Variants in UGT1A7 observed in about 807,000 individuals in gnomAD.
UGT1A7 encodes UDP-glucuronosyltransferase 1A7.
Under a neutral mutation model 45.6 loss-of-function variants are expected in UGT1A7, and 33 were observed. That is an observed-to-expected ratio of 0.72 (90% CI 0.55 to 0.97). The LOEUF (loss-of-function observed/expected upper bound fraction) is 0.97, where lower values mean the gene tolerates loss of function less well. UGT1A7 is among the 50% of genes least tolerant of loss of function. The pLI, the probability that UGT1A7 is intolerant of heterozygous loss-of-function variation, is 0.00. For synonymous variants in UGT1A7, 274 were observed against 250.6 expected, an observed-to-expected ratio of 1.09 and a Z score of -0.88; for missense variants, 684 against 666.2, an observed-to-expected ratio of 1.03 and a Z score of -0.29.
chr2:233,688,438 C>T (rs1367790145), intron 1 of UGT1A7, among the ~76,000 whole-genome samples: 1 of 152,212 alleles, frequency 6.6e-6, no homozygotes, highest in African/African-American at 2.4e-5. Flanking sequence ...TACCTGACTG[C>T]CTCCCTGTGT....
intron 1 of UGT1A7, among the ~76,000 whole-genome samples, chr2:233,720,962 C>T (rs370196629): frequency 1.3e-4 from 20 of 151,468 alleles, no homozygotes; most frequent in African/African-American, 2.7e-4. Flanking sequence ...CTGCCCGCCT[C>T]GGCCTCCCAA....
intron 1 of UGT1A7, chr2:233,718,894 G>A: frequency 6.2e-7 from 1 of 1,614,034 alleles, no homozygotes; most frequent in Non-Finnish European, 8.5e-7. Context: ...GTCCAGCCCT[G>A]GGCTGAGAGT....
rs377063392 is a variant in UGT1A7, at chr2:233,724,823, G to A, written c.855+42031G>A. Among the ~76,000 whole-genome samples, 2 of 135,304 alleles carry A rather than the reference G, an allele frequency of 1.5e-5. 1 individual carries two copies. Among genetic ancestry groups the A allele is most frequent in the Non-Finnish European group, 3.1e-5 (2 of 64,184 alleles). 88.8% of individuals were successfully genotyped at this position (135,304 alleles called of 152,430 possible). A position where few individuals can be genotyped will look rare whatever the true frequency, so the allele number is the denominator to read the frequency against. On this transcript the variant is annotated intron_variant, in intron 1 of 4. Transcript: ENST00000373426. ...GCGGCCGGGCAGAGGCTGCAATCTC[G>A]GCACTTTGGGAGGCCAAGGCAGGCG...
At chr2:233,735,868 CAG>C (rs201129034) in intron 1 of UGT1A7, among the ~76,000 whole-genome samples, 5,840 of 152,248 alleles carry the variant, frequency 0.038, 150 homozygotes, top group Non-Finnish European at 0.054. Flanking sequence ...AGGGTTTCTG[CAG>C]AGAGATCTGC....
intron 1 of UGT1A7, among the ~76,000 whole-genome samples, chr2:233,695,121 T>TTTTCTTTTC (rs1181246228): frequency 3.7e-4 from 38 of 104,018 alleles, no homozygotes; most frequent in African/African-American, 1.3e-3. Flanking sequence ...TAACCAACCC[T>TTTTCTTTTC]TTTCTTTTCT....
In UGT1A7 at chr2:233,772,667, T is replaced by A; in HGVS notation, c.*108T>A. 1 of 1,538,078 alleles carries A rather than the reference T, an allele frequency of 6.5e-7. No individual in the cohort carries two copies. Among genetic ancestry groups the A allele is most frequent in the East Asian group, 2.4e-5 (1 of 40,984 alleles). Reference sequence around the variant, plus strand: ...TTTTATTCTTATTAAGGAAATACTTTGCATAAATTAATCAGCCCCAGAGTG... The same window carrying A: ...TTTTATTCTTATTAAGGAAATACTTAGCATAAATTAATCAGCCCCAGAGTG... On this transcript the variant is annotated 3_prime_UTR_variant, in exon 5 of 5. Coordinates refer to ENST00000373426, the MANE Select transcript of UGT1A7 (RefSeq NM_019077.3).
At chr2:233,763,150 C>G (rs1298092077) in intron 1 of UGT1A7, among the ~76,000 whole-genome samples, 1 of 152,214 alleles carries the variant, frequency 6.6e-6, no homozygotes, top group Non-Finnish European at 1.5e-5. Context: ...CCATAAAAGT[C>G]TAAGTGGTGA....
In UGT1A7 at chr2:233,772,878, G is replaced by T; in HGVS notation, c.*319G>T. 3.5e-6 allele frequency: 2 copies of T among 577,672 alleles called. No individual in the cohort carries two copies. The highest frequency in any genetic ancestry group is 5.2e-5 in the East Asian group (1 of 19,352). The allele number at this position is 577,672 out of a possible 1,614,324, so 35.8% of individuals were successfully genotyped here. A position where few individuals can be genotyped will look rare whatever the true frequency, so the allele number is the denominator to read the frequency against. Reference sequence around the variant, plus strand: ...GAAACATGGCCTGTTTGGGAGTGCGGGATTCAAAGGTGGTCCCACGGCTGC... The same window carrying T: ...GAAACATGGCCTGTTTGGGAGTGCGTGATTCAAAGGTGGTCCCACGGCTGC... On this transcript the variant is annotated 3_prime_UTR_variant, in exon 5 of 5. Transcript: ENST00000373426.
intron 1 of UGT1A7, among the ~76,000 whole-genome samples, chr2:233,710,083 T>C (rs1270176651): frequency 6.6e-6 from 1 of 152,240 alleles, no homozygotes; most frequent in Non-Finnish European, 1.5e-5. Flanking sequence ...TCCTTTCACA[T>C]TGTTGCATGT....
chr2:233,748,845 C>A (rs936990961), intron 1 of UGT1A7, among the ~76,000 whole-genome samples: 1 of 151,120 alleles, frequency 6.6e-6, no homozygotes, highest in South Asian at 2.1e-4. Context: ...AAACTGTGAG[C>A]GTATAAGCCC....
intron 1 of UGT1A7, among the ~76,000 whole-genome samples, chr2:233,759,856 C>T (rs1446471980): frequency 2.0e-5 from 3 of 152,092 alleles, no homozygotes; most frequent in Admixed American, 6.6e-5. Context: ...GTTTCCATGG[C>T]GAAAGCGGGG....
intron 1 of UGT1A7, chr2:233,693,307 G>A (rs2075144345): frequency 1.2e-6 from 2 of 1,614,138 alleles, no homozygotes; most frequent in Middle Eastern, 1.6e-4. Flanking sequence ...ACTTTGCTGA[G>A]CGATCATTCC....
chr2:233,748,002 G>T, intron 1 of UGT1A7: 1 of 1,613,500 alleles, frequency 6.2e-7, no homozygotes, highest in Non-Finnish European at 8.5e-7. Context: ...CTTTGTGATG[G>T]ATTACCCCAG....
intron 1 of UGT1A7, among the ~76,000 whole-genome samples, chr2:233,699,210 G>GA (rs1003409179): frequency 4.1e-4 from 61 of 150,002 alleles, no homozygotes; most frequent in Admixed American, 1.4e-3. Flanking sequence ...GCTGTTGCAT[G>GA]AAAAAAAAAC....
rs144217005 is a variant in UGT1A7 at position 233,760,613 on chromosome 2, T to C, written c.856-6421T>C. The C allele has an allele frequency of 1.5e-4, 247 of 1,614,256 alleles. No individual in the cohort carries two copies. In the African/African-American group the frequency reaches 3.0e-3, roughly 20 times the overall value. On this transcript the variant is annotated intron_variant, in intron 1 of 4. Transcript: ENST00000373426. The stretch of plus-strand genomic sequence containing the variant: ...GAGAATGATTCTTTCCTGCAGCGTG[T>C]GATCAAAACATACAAGAAAATAAAA...
intron 1 of UGT1A7, among the ~76,000 whole-genome samples, chr2:233,683,009 A>C (rs950261288): frequency 6.6e-6 from 1 of 152,212 alleles, no homozygotes; most frequent in Non-Finnish European, 1.5e-5. Context: ...ATAATTGTAG[A>C]TCATATCTAG....
At chr2:233,743,600 C>A in intron 1 of UGT1A7, 2 of 1,367,332 alleles carry the variant, frequency 1.5e-6, no homozygotes, top group Non-Finnish European at 2.0e-6. Flanking sequence ...TGGGTCCTGG[C>A]CGCCGAAGAA....
chr2:233,761,081 C>A, intron 1 of UGT1A7: 2 of 1,614,180 alleles, frequency 1.2e-6, no homozygotes, highest in Non-Finnish European at 1.7e-6. Context: ...AAGGATTACC[C>A]TAGGCCCATC....
chr2:233,733,972 G>A (rs2078461884), intron 1 of UGT1A7, among the ~76,000 whole-genome samples: 1 of 152,042 alleles, frequency 6.6e-6, no homozygotes, highest in South Asian at 2.1e-4. Flanking sequence ...AGGGGGAGCG[G>A]GGAGGGATAG....
Sources: allele counts gnomAD v4.1 joint callset (sites outside exome capture counted in the v4.1 genomes callset), GRCh38; gene constraint gnomAD v4.1.1; transcripts MANE v1.5; gene names NCBI Gene and HGNC (gene_info 2026-07-23, HGNC 2026-07-21).